Variants in TTC9C observed in about 807,000 individuals in gnomAD.
TTC9C encodes the protein tetratricopeptide repeat protein 9C.
Under a neutral mutation model 22.5 loss-of-function variants are expected in TTC9C, and 15 were observed. That is an observed-to-expected ratio of 0.67 (90% confidence interval 0.45 to 1.03). The LOEUF (loss-of-function observed/expected upper bound fraction) is 1.03, where lower values mean the gene tolerates loss of function less well. TTC9C is among the 50% of genes least tolerant of loss of function. The probability of loss-of-function intolerance (pLI) is 0.00; values close to 1 mark genes in which losing one functional copy is unlikely to be tolerated. For missense variants in TTC9C, 244 were observed against 214.6 expected (o/e 1.14, Z -0.86); for synonymous variants, 92 against 86.8 (o/e 1.06, Z -0.33).
Position 62,729,056 on chromosome 11 carries a change from AC to A in TTC9C, c.211del (p.Gln71ArgfsTer8). 1 of 1,614,036 alleles carries A rather than the reference AC, an allele frequency of 6.2e-7. No individual in the cohort carries two copies. The highest frequency in any genetic ancestry group is 1.1e-5 in the South Asian group (1 of 91,078). ...TPEQENILHTTQTDCYNNLAA... is the reference protein window; with the variant it reads ...TPEQENILHTXQTDCYNNLAA... Reference sequence around the variant, plus strand: ...TGAACAAGAAAACATATTGCATACCACCCAGACAGACTGCTATAACAATCTA... The same window carrying A: ...TGAACAAGAAAACATATTGCATACCACCAGACAGACTGCTATAACAATCTA... On this transcript the variant is annotated frameshift_variant, in exon 1 of 3. Transcript: ENST00000316461. LOFTEE classifies it high-confidence loss of function.
chr11:62,728,875 G>T lies in TTC9C; in HGVS notation c.27G>T (p.Gln9His). The change falls in exon 1 of 3, where the codon CAG becomes CAT. Residue 9 changes from glutamine (Q) to histidine (H), a missense_variant. Physicochemically the swap from Gln to His is conservative, Grantham distance 24. Transcript: ENST00000316461. Reference sequence around the variant, plus strand: ...TGGAGAAGCGTCTGCAGGAGGCTCAGCTGTACAAGGAGGAAGGGAACCAGC... The same window carrying T: ...TGGAGAAGCGTCTGCAGGAGGCTCATCTGTACAAGGAGGAAGGGAACCAGC... The part of the protein sequence containing the change: MEKRLQEA[Q>H]LYKEEGNQRY... 6.2e-7 allele frequency: 1 copy of T among 1,614,148 alleles called. No homozygotes were observed.
intron 1 of TTC9C, 109 bp downstream of exon 1, chr11:62,729,195 T>G: frequency 1.1e-6 from 1 of 918,968 alleles, no homozygotes; most frequent in East Asian, 2.5e-5. Context: ...CTGTCATCCA[T>G]TTATTCTGCC....
Position 62,735,362 on chromosome 11 carries a change from C to T in TTC9C, c.239-20C>T, listed in dbSNP as rs893779022. ...AACGAGCCCCTCCTACCTCTTCTCT[C>T]TTTTCATTTGGCCCATTAGCTTGTC... On this transcript the variant is annotated intron_variant, in intron 1 of 2. Coordinates refer to ENST00000316461, the MANE Select transcript of TTC9C (RefSeq NM_173810.4). The T allele has an allele frequency of 6.2e-7, 1 of 1,612,114 alleles. No individual in the cohort carries two copies.
At chr11:62,733,345 T>C (rs566678088) in intron 1 of TTC9C, 4 of 357,584 alleles carry the variant, frequency 1.1e-5, no homozygotes, top group African/African-American at 8.7e-5. Flanking sequence ...CTTAGACAAG[T>C]TATTTGTCTG....
At chr11:62,736,508 C>T (rs934875554) in intron 2 of TTC9C, among the ~76,000 whole-genome samples, 4 of 151,726 alleles carry the variant, frequency 2.6e-5, no homozygotes, top group Non-Finnish European at 5.9e-5. Flanking sequence ...TCCTGGCTAA[C>T]ATGGGGAAAC....
chr11:62,729,407 A>ATTTT (rs747026472), intron 1 of TTC9C, among the ~76,000 whole-genome samples: 10 of 82,030 alleles, frequency 1.2e-4, no homozygotes, highest in Non-Finnish European at 1.1e-4. Context: ...ATTTTATTTT[A>ATTTT]TTTTTTTTTG....
chr11:62,733,148 T>G (rs988252741), intron 1 of TTC9C: 34 of 1,288,694 alleles, frequency 2.6e-5, no homozygotes, highest in Non-Finnish European at 3.1e-5. Flanking sequence ...CCCTTCTTAA[T>G]CATAAAAAGG....
chr11:62,733,016 GGGATA>G, intron 1 of TTC9C: 1 of 366,932 alleles, frequency 2.7e-6, no homozygotes, highest in East Asian at 1.3e-4. Flanking sequence ...TGTTGTAGAA[GGGATA>G]CAGACATCAG....
rs1265199072 is a variant in TTC9C at position 62,728,675 on chromosome 11, G to C, written c.-174G>C. On this transcript the variant is annotated 5_prime_UTR_variant, in exon 1 of 3. Transcript: ENST00000316461. Reference sequence around the variant, plus strand: ...GAAAAAGACTGCAGAAAGGAGAGGTGGGGCTTTCAGTAGAAACAAGCAAAC... The same window carrying C: ...GAAAAAGACTGCAGAAAGGAGAGGTCGGGCTTTCAGTAGAAACAAGCAAAC... The C allele has an allele frequency of 2.8e-6, 2 of 709,860 alleles. No homozygotes were observed. The highest frequency in any genetic ancestry group is 5.1e-6 in the Non-Finnish European group (2 of 392,152). 44.0% of individuals were successfully genotyped at this position (709,860 alleles called of 1,614,324 possible).
rs751468293 is a variant in TTC9C at position 62,738,303 on chromosome 11, G to A, written c.437G>A (p.Arg146Gln). Residue 146 changes from arginine to glutamine, a missense_variant, in exon 3 of 3, where the codon CGG becomes CAG. Coordinates refer to ENST00000316461, the MANE Select transcript of TTC9C (RefSeq NM_173810.4). ...ATCTTCCAAGATGCCAACGTCCGGC[G>A]GTACCTCCAGCTGACACAGTCAGAA... ...NRQPKDANVR[R>Q]YLQLTQSELS... 46 of 1,611,584 alleles carry A rather than the reference G, an allele frequency of 2.9e-5. No homozygotes were observed. In the South Asian group the frequency reaches 4.6e-4, roughly 16 times the overall value.
chr11:62,728,479 G>A (rs1391265328), upstream of TTC9C: 1 of 472,868 alleles, frequency 2.1e-6, no homozygotes, highest in Admixed American at 2.3e-5. Flanking sequence ...ATAGAAAGGC[G>A]GAAGCCAGTG....
chr11:62,730,913 G>A (rs1205447071), intron 1 of TTC9C, among the ~76,000 whole-genome samples: 11 of 145,198 alleles, frequency 7.6e-5, no homozygotes, highest in Non-Finnish European at 1.6e-4. Context: ...TTTTGAGACG[G>A]TGTCTCACTC....
Position 62,735,364 on chromosome 11 carries a change from T to C in TTC9C, c.239-18T>C, listed in dbSNP as rs1352266526. 6.2e-7 allele frequency: 1 copy of C among 1,612,258 alleles called. No homozygotes were observed. The highest frequency in any genetic ancestry group is 1.7e-5 in the Admixed American group (1 of 59,930). On this transcript the variant is annotated intron_variant, in intron 1 of 2. Transcript: ENST00000316461. ...CGAGCCCCTCCTACCTCTTCTCTCTTTTCATTTGGCCCATTAGCTTGTCTC... is the reference window on the plus strand; with the variant it reads ...CGAGCCCCTCCTACCTCTTCTCTCTCTTCATTTGGCCCATTAGCTTGTCTC...
intron 1 of TTC9C, 115 bp from the exon 2 acceptor site, chr11:62,735,267 G>A: frequency 7.3e-7 from 1 of 1,371,950 alleles, no homozygotes; most frequent in Middle Eastern, 2.0e-4. Context: ...AGACACTTTA[G>A]CATTTGTTGA....
Position 62,735,495 on chromosome 11 carries a change from T to G in TTC9C, c.352T>G (p.Phe118Val), listed in dbSNP as rs781339476. ...AKALYRAGVA[F>V]FHLQDYDQAR... ...GGCCTTGTATCGGGCCGGAGTGGCC[T>G]TTTTCCATCTGCAGGACTATGACCA... The change falls in exon 2 of 3, where the codon TTT (phenylalanine) becomes GTT (valine). Residue 118 changes from phenylalanine (F) to valine (V), a missense_variant. By Grantham distance (50) the Phe-to-Val change is conservative (BLOSUM62 -1). Transcript: ENST00000316461. 48 of 1,613,526 alleles carry G rather than the reference T, an allele frequency of 3.0e-5. 2 individuals carry two copies. The South Asian group carries it at 5.1e-4, about 17-fold the overall frequency.
At chr11:62,734,311 G>A (rs2083886208) in intron 1 of TTC9C, among the ~76,000 whole-genome samples, 1 of 150,992 alleles carries the variant, frequency 6.6e-6, no homozygotes, top group Non-Finnish European at 1.5e-5. Flanking sequence ...AAAAAAAATA[G>A]GGTCTCACCT....
At position 62,738,412 on chromosome 11, in the gene TTC9C, C is replaced by T. The variant is rs143263069; in HGVS notation, c.*30C>T. On this transcript the variant is annotated 3_prime_UTR_variant, in exon 3 of 3. Transcript: ENST00000316461. ...GAAGAAAGATGCTCCTCCAGTTGAA[C>T]TTAGGTGGACCATTAAACATGCATG... is the stretch of plus-strand genomic sequence containing the variant. 924 of 1,443,908 alleles carry T rather than the reference C, an allele frequency of 6.4e-4. 1 individual carries two copies. The highest frequency in any genetic ancestry group is 8.3e-4 in the Non-Finnish European group (853 of 1,032,342). The allele number at this position is 1,443,908 out of a possible 1,614,324, so 89.4% of individuals were successfully genotyped here. A position where few individuals can be genotyped will look rare whatever the true frequency, so the allele number is the denominator to read the frequency against.
intron 1 of TTC9C, among the ~76,000 whole-genome samples, chr11:62,732,337 G>A (rs980956432): frequency 2.0e-5 from 3 of 152,074 alleles, no homozygotes; most frequent in African/African-American, 7.2e-5. Flanking sequence ...GGCCGGGCAT[G>A]GTGGCTCATG....
At chr11:62,729,120 T>A in intron 1 of TTC9C, 34 bp downstream of exon 1, 1 of 1,582,640 alleles carries the variant, frequency 6.3e-7, no homozygotes, top group Non-Finnish European at 8.7e-7. Context: ...CTAGAGAGCA[T>A]TAAGACAGGA....
Sources: gnomAD v4.1 joint callset for allele counts (sites outside exome capture counted in the v4.1 genomes callset) on GRCh38, gnomAD v4.1.1 for gene constraint, MANE v1.5 for transcripts, NCBI Gene and HGNC (gene_info 2026-07-23, HGNC 2026-07-21) for gene names.